ENPP5: variants seen among roughly 807,000 people sequenced by gnomAD.
ENPP5 encodes E-NPP 5.
ENPP5 carries 27 observed loss-of-function variants against 33.7 expected under a neutral mutation model. The observed-to-expected ratio is 0.80, with a 90% CI of 0.59 to 1.11. The LOEUF (loss-of-function observed/expected upper bound fraction) is 1.11, where lower values mean the gene tolerates loss of function less well. ENPP5 is among the 50% of genes least tolerant of loss of function. The pLI is 0.00. For missense variants in ENPP5, 552 were observed against 579.2 expected (o/e 0.95, Z 0.48); for synonymous variants, 199 against 200.5 (o/e 0.99, Z 0.06).
At chr6:46,164,431 C>T (rs1351784948) in intron 4 of ENPP5, among the ~76,000 whole-genome samples, 1 of 152,196 alleles carries the variant, frequency 6.6e-6, no homozygotes, top group Non-Finnish European at 1.5e-5. Context: ...CTTAACTATT[C>T]TGGCTTAGGT....
chr6:46,162,309 TAGGAAACTC>T (rs1764417137), intron 4 of ENPP5, among the ~76,000 whole-genome samples: 1 of 151,844 alleles, frequency 6.6e-6, no homozygotes, highest in Non-Finnish European at 1.5e-5. Context: ...TGGAGGAGAG[TAGGAAACTC>T]CTGATTTTGG....
At position 46,161,768 on chromosome 6, in the gene ENPP5, T is replaced by C. The variant is rs770890262; in HGVS notation, c.1007-15A>G. ...GTGGTTGCCTACTGTAAAGAGAAAA[T>C]ATGTGAAAAAGTTAGCCAACTATGC... On this transcript the variant is annotated splice_polypyrimidine_tract_variant and intron_variant, in intron 4 of 4. Coordinates refer to ENST00000371383, the MANE Select transcript of ENPP5 (RefSeq NM_001290072.2). The C allele has an allele frequency of 2.5e-6, 4 of 1,591,600 alleles. No homozygotes were observed. Among genetic ancestry groups the C allele is most frequent in the Middle Eastern group, 1.7e-4 (1 of 5,954 alleles).
Position 46,170,876 on chromosome 6 carries a change from T to C in ENPP5, c.-166A>G, listed in dbSNP as rs1764716848. The C allele has an allele frequency of 6.6e-6, 1 of 152,342 alleles. No individual in the cohort carries two copies. Among genetic ancestry groups the C allele is most frequent in the Admixed American group, 6.5e-5 (1 of 15,276 alleles). 9.4% of individuals were successfully genotyped at this position (152,342 alleles called of 1,614,324 possible). On this transcript the variant is annotated 5_prime_UTR_variant, in exon 1 of 5. Coordinates refer to ENST00000371383, the MANE Select transcript of ENPP5 (RefSeq NM_001290072.2). ...GAGGGAGGGTCTGGAGGAGACTCCC[T>C]CGGGCGCGCCGCGGGTAACGGCGGG...
In ENPP5 at chr6:46,161,588, G is replaced by A. The variant is rs1344561379; in HGVS notation, c.1172C>T (p.Ser391Leu). 1 of 1,614,058 alleles carries A rather than the reference G, an allele frequency of 6.2e-7. No homozygotes were observed. The highest frequency in any genetic ancestry group is 8.5e-7 in the Non-Finnish European group (1 of 1,179,946). ...LNITAMPHNGSFWNVQDLLNS... is the reference protein window; with the variant it reads ...LNITAMPHNGLFWNVQDLLNS... Reference sequence around the variant, plus strand: ...GAGCAGATCCTGGACATTCCAGAATGATCCATTGTGTGGCATGGCGGTGAT... The same window carrying A: ...GAGCAGATCCTGGACATTCCAGAATAATCCATTGTGTGGCATGGCGGTGAT... Residue 391 changes from serine to leucine, a missense_variant, in exon 5 of 5, where the codon TCA becomes TTA. Ser to Leu is a moderately radical substitution (Grantham distance 145, BLOSUM62 -2). Coordinates refer to ENST00000371383, the MANE Select transcript of ENPP5 (RefSeq NM_001290072.2).
intron 3 of ENPP5, among the ~76,000 whole-genome samples, chr6:46,165,765 G>T (rs1364140760): frequency 1.3e-5 from 2 of 152,092 alleles, no homozygotes; most frequent in Non-Finnish European, 2.9e-5. Flanking sequence ...ATTAAGGAAG[G>T]GCATTTTATA....
At chr6:46,163,965 A>G (rs914284663) in intron 4 of ENPP5, among the ~76,000 whole-genome samples, 1 of 152,226 alleles carries the variant, frequency 6.6e-6, no homozygotes, top group Admixed American at 6.5e-5. Flanking sequence ...TTAAAGACTT[A>G]AACGCTAGAC....
chr6:46,164,487 T>C (rs1764477677), intron 4 of ENPP5, among the ~76,000 whole-genome samples: 1 of 152,210 alleles, frequency 6.6e-6, no homozygotes, highest in African/African-American at 2.4e-5. Flanking sequence ...TTAAACATAA[T>C]ATAAATTGAG....
intron 2 of ENPP5, among the ~76,000 whole-genome samples, chr6:46,169,583 G>A (rs1282718525): frequency 1.3e-5 from 2 of 152,162 alleles, no homozygotes; most frequent in African/African-American, 4.8e-5. Context: ...AGTAGAGACA[G>A]GGTTTCGCCA....
intron 4 of ENPP5, among the ~76,000 whole-genome samples, chr6:46,163,149 T>G (rs1183452611): frequency 6.6e-6 from 1 of 152,206 alleles, no homozygotes; most frequent in Non-Finnish European, 1.5e-5. Flanking sequence ...CAAACTTTTG[T>G]GTGTTTCACC....
In ENPP5 at chr6:46,161,693, C is replaced by T. The variant is rs761068166; in HGVS notation, c.1067G>A (p.Gly356Asp). ...TGAGAAATTCTTTCTGAAGGCAGGA[C>T]CATGGGCTAAAAATATTGGATGCAT... ...ADMHPIFLAHGPAFRKNFSKE... is the reference protein window; with the variant it reads ...ADMHPIFLAHDPAFRKNFSKE... Residue 356 changes from glycine to aspartate, a missense_variant, in exon 5 of 5, where the codon GGT (glycine) becomes GAT (aspartate). Physicochemically the swap from Gly to Asp is moderately conservative, Grantham distance 94. Transcript: ENST00000371383. 7 of 1,613,636 alleles carry T rather than the reference C, an allele frequency of 4.3e-6. No individual in the cohort carries two copies. The highest frequency in any genetic ancestry group is 5.1e-6 in the Non-Finnish European group (6 of 1,179,900).
Position 46,170,573 on chromosome 6 carries a change from G to A in ENPP5, c.-98+235C>T, listed in dbSNP as rs966376161. Among the ~76,000 whole-genome samples, 4 of 152,206 alleles carry A rather than the reference G, an allele frequency of 2.6e-5. No homozygotes were observed. The South Asian group carries it at 8.3e-4, about 32-fold the overall frequency. ...AAGAGGGAAAGTGCAGAAGGAGTAGGTTTGTGTAGCTCGGGTAGACGTCAA... is the reference window on the plus strand; with the variant it reads ...AAGAGGGAAAGTGCAGAAGGAGTAGATTTGTGTAGCTCGGGTAGACGTCAA... On this transcript the variant is annotated intron_variant, in intron 1 of 4. Transcript: ENST00000371383.
chr6:46,167,499 T>C lies in ENPP5; in HGVS notation c.764A>G (p.Tyr255Cys). 1 of 1,614,194 alleles carries C rather than the reference T, an allele frequency of 6.2e-7. No homozygotes were observed. The highest frequency in any genetic ancestry group is 8.5e-7 in the Non-Finnish European group (1 of 1,180,016). ...SEERLIELDQ[Y>C]LDKDHYTLID... ...CAGGGTATAGTGGTCTTTATCCAGG[T>C]ACTGGTCAAGTTCTATTAACCTTTC... Residue 255 changes from tyrosine (Y) to cysteine (C), a missense_variant, in exon 3 of 5, where the codon TAC becomes TGC. Tyr to Cys is a radical substitution (Grantham distance 194). Transcript: ENST00000371383.
chr6:46,165,388 C>T lies in ENPP5; in HGVS notation c.1005G>A (p.Leu335=). Reference sequence around the variant, plus strand: ...AAAGAAATACTGTAACATACTCACACAGAAAGTCATCTGACTTATTCTGTA... The same window carrying T: ...AAAGAAATACTGTAACATACTCACATAGAAAGTCATCTGACTTATTCTGTA... ...HILQNKSDDF[L]LGNHGYDNAL... is the part of the protein sequence containing the mutation. The change falls in exon 4 of 5, where the codon CTG becomes CTA. Residue 335 remains leucine (L), a splice_region_variant and synonymous_variant. Coordinates refer to ENST00000371383, the MANE Select transcript of ENPP5 (RefSeq NM_001290072.2). 1 of 1,563,118 alleles carries T rather than the reference C, an allele frequency of 6.4e-7. No homozygotes were observed. The highest frequency in any genetic ancestry group is 8.6e-7 in the Non-Finnish European group (1 of 1,162,338).
At chr6:46,168,424 A>G in intron 2 of ENPP5, 127 bp from the exon 3 acceptor site, 1 of 492,262 alleles carries the variant, frequency 2.0e-6, no homozygotes, top group Non-Finnish European at 3.5e-6. Context: ...GAATTATGTC[A>G]CAGAACTCCG....
Position 46,167,473 on chromosome 6 carries a change from T to A in ENPP5, c.790A>T (p.Ile264Phe). Reference protein sequence around the residue: ...QYLDKDHYTLIDQSPVAAILP... With the variant: ...QYLDKDHYTLFDQSPVAAILP... ...ATGGCTGCTACTGGAGATTGATCAA[T>A]CAGGGTATAGTGGTCTTTATCCAGG... Residue 264 changes from isoleucine (I) to phenylalanine (F), a missense_variant, in exon 3 of 5, where the codon ATT (isoleucine) becomes TTT (phenylalanine). Coordinates refer to ENST00000371383, the MANE Select transcript of ENPP5 (RefSeq NM_001290072.2). 6.2e-7 allele frequency: 1 copy of A among 1,610,694 alleles called. No homozygotes were observed. The highest frequency in any genetic ancestry group is 8.5e-7 in the Non-Finnish European group (1 of 1,177,304).
Position 46,160,764 on chromosome 6 carries a change from A to G in ENPP5, c.*562T>C, listed in dbSNP as rs1764363622. The G allele has an allele frequency of 6.5e-6, 1 of 153,372 alleles. No homozygotes were observed. The highest frequency in any genetic ancestry group is 2.4e-5 in the African/African-American group (1 of 41,462). 9.5% of individuals were successfully genotyped at this position (153,372 alleles called of 1,614,324 possible). A position where few individuals can be genotyped will look rare whatever the true frequency, so the allele number is the denominator to read the frequency against. ...AATACATCTCCAAAATTCAAGGTTC[A>G]AAGGTTATCACATTTAATTTTCAAC... On this transcript the variant is annotated 3_prime_UTR_variant, in exon 5 of 5. Coordinates refer to ENST00000371383, the MANE Select transcript of ENPP5 (RefSeq NM_001290072.2).
chr6:46,168,692 C>T (rs1292234794), intron 2 of ENPP5, among the ~76,000 whole-genome samples: 1 of 151,976 alleles, frequency 6.6e-6, no homozygotes, highest in Non-Finnish European at 1.5e-5. Flanking sequence ...AACATTATGG[C>T]TAGAGCAACT....
rs950509265 is a variant in ENPP5 at position 46,159,730 on chromosome 6, A to C, written c.*1596T>G. 7 of 152,198 alleles carry C rather than the reference A, an allele frequency of 4.6e-5. No homozygotes were observed. The highest frequency in any genetic ancestry group is 1.3e-4 in the Admixed American group (2 of 15,272). The allele number at this position is 152,198 out of a possible 1,614,324, so 9.4% of individuals were successfully genotyped here. The stretch of plus-strand genomic sequence containing the variant: ...GTTAAATTTTTAACTATGTCACTTT[A>C]GTTCTTCACATCCCATTTGTCCTTT... On this transcript the variant is annotated 3_prime_UTR_variant, in exon 5 of 5. Coordinates refer to ENST00000371383, the MANE Select transcript of ENPP5 (RefSeq NM_001290072.2).
intron 3 of ENPP5, among the ~76,000 whole-genome samples, chr6:46,165,910 C>G (rs1476269274): frequency 1.3e-5 from 2 of 152,026 alleles, no homozygotes; most frequent in Non-Finnish European, 2.9e-5. Context: ...CGAAGAATCT[C>G]CAGACAAGAA....
Sources: allele counts gnomAD v4.1 joint callset (sites outside exome capture counted in the v4.1 genomes callset), GRCh38; gene constraint gnomAD v4.1.1; transcripts MANE v1.5; gene names NCBI Gene and HGNC (gene_info 2026-07-23, HGNC 2026-07-21).